The following BCR variants were observed in gnomAD, a reference collection of about 807,000 sequenced individuals.
The protein encoded by BCR is breakpoint cluster region protein.
In BCR, 58 loss-of-function variants were observed where a neutral mutation model predicts 138.6. That is an observed-to-expected ratio of 0.42 (90% CI 0.34 to 0.52). BCR has a LOEUF of 0.52. Among genes scored for constraint, BCR ranks in the 20% least tolerant of loss-of-function variants. The pLI is 0.06. For synonymous variants in BCR, 786 were observed against 730.1 expected, an observed-to-expected ratio of 1.08 and a Z score of -1.23; for missense variants, 1,599 against 1,727.2, an observed-to-expected ratio of 0.93 and a Z score of 1.32.
chr22:23,292,318 C>T (rs564657898), intron 14 of BCR, among the ~76,000 whole-genome samples: 4 of 152,366 alleles, frequency 2.6e-5, no homozygotes, highest in African/African-American at 7.2e-5. Flanking sequence ...TCCCGTTTCC[C>T]AGCCGCACCC....
Position 23,217,360 on chromosome 22 carries a change from G to A in BCR, c.1279+35121G>A, listed in dbSNP as rs376152243. Among the ~76,000 whole-genome samples the A allele has an allele frequency of 1.1e-4, 17 of 152,266 alleles. No individual in the cohort carries two copies. The East Asian group carries it at 1.7e-3, about 16-fold the overall frequency. On this transcript the variant is annotated intron_variant, in intron 1 of 22. Transcript: ENST00000305877. The stretch of plus-strand genomic sequence containing the variant: ...GCAGAACCTCTGCAGCCTGGCCTTC[G>A]GGAAGAAGACATCCAGAGATAGTGA...
intron 1 of BCR, among the ~76,000 whole-genome samples, chr22:23,196,922 C>T (rs2072490998): frequency 1.3e-5 from 2 of 152,152 alleles, no homozygotes; most frequent in South Asian, 2.1e-4. Flanking sequence ...GTTCATGGCC[C>T]GGGGGTTGGG....
intron 1 of BCR, among the ~76,000 whole-genome samples, chr22:23,219,097 G>A (rs2072791263): frequency 6.6e-6 from 1 of 152,202 alleles, no homozygotes; most frequent in Admixed American, 6.5e-5. Context: ...GGAGGGCCAG[G>A]CCAACCAGGC....
chr22:23,209,486 T>C (rs2072656915), intron 1 of BCR, among the ~76,000 whole-genome samples: 1 of 152,234 alleles, frequency 6.6e-6, no homozygotes, highest in Non-Finnish European at 1.5e-5. Flanking sequence ...TTGTGAATAA[T>C]GTTGGCAGGA....
At chr22:23,195,895 A>G (rs2072474556) in intron 1 of BCR, among the ~76,000 whole-genome samples, 1 of 152,218 alleles carries the variant, frequency 6.6e-6, no homozygotes, top group Non-Finnish European at 1.5e-5. Context: ...AAAATTAAAA[A>G]CAAATTAAAT....
intron 1 of BCR, among the ~76,000 whole-genome samples, chr22:23,194,437 G>A (rs891237826): frequency 1.3e-5 from 2 of 150,740 alleles, no homozygotes; most frequent in South Asian, 4.2e-4. Context: ...TTGAGATGGG[G>A]TCTCGCTCTG....
At position 23,315,415 on chromosome 22, in the gene BCR, C is replaced by T; in HGVS notation, c.3727-18C>T. 5 of 1,612,978 alleles carry T rather than the reference C, an allele frequency of 3.1e-6. No homozygotes were observed. Among genetic ancestry groups the T allele is most frequent in the East Asian group, 2.2e-5 (1 of 44,870 alleles). ...CCCGCTCTGAGCCACTCTTCTCTTC[C>T]CTACTCTGCCCGGGCAGGTCCAGGT... is the stretch of plus-strand genomic sequence containing the variant. On this transcript the variant is annotated intron_variant, in intron 22 of 22. Coordinates refer to ENST00000305877, the MANE Select transcript of BCR (RefSeq NM_004327.4).
intron 8 of BCR, among the ~76,000 whole-genome samples, chr22:23,277,462 T>C (rs891681931): frequency 6.6e-6 from 1 of 152,022 alleles, no homozygotes; most frequent in Non-Finnish European, 1.5e-5. Context: ...TACCTGGAGG[T>C]AGGAAAGAGG....
chr22:23,185,414 C>T (rs944701475), intron 1 of BCR, among the ~76,000 whole-genome samples: 2 of 152,062 alleles, frequency 1.3e-5, no homozygotes, highest in Non-Finnish European at 2.9e-5. Flanking sequence ...GCCTGTAATC[C>T]CAGCACTTAG....
At position 23,312,969 on chromosome 22, in the gene BCR, G is replaced by A. The variant is rs1271722617; in HGVS notation, c.3405G>A (p.Leu1135=). The A allele has an allele frequency of 6.3e-7, 1 of 1,591,936 alleles. No homozygotes were observed. The highest frequency in any genetic ancestry group is 8.5e-7 in the Non-Finnish European group (1 of 1,175,434). Residue 1135 remains leucine (L), a synonymous_variant, in exon 20 of 23, where the codon CTG becomes CTA. Coordinates refer to ENST00000305877, the MANE Select transcript of BCR (RefSeq NM_004327.4). ...CGCTGAAGCTGTACTTCCGTGAGCT[G>A]CCCGAGCCCCTCTTCACTGACGAGT... ...AGTLKLYFRE[L]PEPLFTDEFY...
At position 23,287,234 on chromosome 22, in the gene BCR, A is replaced by T; in HGVS notation, c.2482A>T (p.Met828Leu). The T allele has an allele frequency of 1.3e-6, 2 of 1,560,322 alleles. No homozygotes were observed. The highest frequency in any genetic ancestry group is 1.7e-6 in the Non-Finnish European group (2 of 1,151,550). Residue 828 changes from methionine (M) to leucine (L), a missense_variant, in exon 11 of 23, where the codon ATG becomes TTG. Physicochemically the swap from Met to Leu is conservative, Grantham distance 15. Transcript: ENST00000305877. The stretch of plus-strand genomic sequence containing the variant: ...GGAGCAGGAGTCACTGCTGCTGCTT[A>T]TGTCTCCCAGCATGGCCTTCAGGGT... Reference protein sequence around the residue: ...LSEQESLLLLMSPSMAFRVHS... With the variant: ...LSEQESLLLLLSPSMAFRVHS...
At position 23,285,171 on chromosome 22, in the gene BCR, C is replaced by T. The variant is rs1398610885; in HGVS notation, c.2376C>T (p.Ser792=). The T allele has an allele frequency of 1.2e-6, 2 of 1,613,492 alleles. No individual in the cohort carries two copies. Among genetic ancestry groups the T allele is most frequent in the African/African-American group, 1.3e-5 (1 of 75,014 alleles). The stretch of plus-strand genomic sequence containing the variant: ...TGGACGCTTTGAAGATCAAGATCTC[C>T]CAGATCAAGAATGACATCCAGAGAG... ...EELDALKIKI[S]QIKNDIQREK... Residue 792 remains serine, a synonymous_variant, in exon 10 of 23, where the codon TCC becomes TCT. Coordinates refer to ENST00000305877, the MANE Select transcript of BCR (RefSeq NM_004327.4).
Position 23,180,970 on chromosome 22 carries a change from C to T in BCR, c.10C>T (p.Pro4Ser). MVD[P>S]VGFAEAWKAQ... ...TAAGGCCGGCCGCGCCATGGTGGAC[C>T]CGGTGGGCTTCGCGGAGGCGTGGAA... Residue 4 changes from proline (P) to serine (S), a missense_variant, in exon 1 of 23, where the codon CCG becomes TCG. Pro to Ser is a moderately conservative substitution (Grantham distance 74). Coordinates refer to ENST00000305877, the MANE Select transcript of BCR (RefSeq NM_004327.4). 1.4e-6 allele frequency: 2 copies of T among 1,394,908 alleles called. No individual in the cohort carries two copies. Among genetic ancestry groups the T allele is most frequent in the Non-Finnish European group, 1.9e-6 (2 of 1,056,592 alleles). 86.4% of individuals were successfully genotyped at this position (1,394,908 alleles called of 1,614,324 possible).
At chr22:23,258,205 A>C (rs986523604) in intron 2 of BCR, among the ~76,000 whole-genome samples, 1 of 152,210 alleles carries the variant, frequency 6.6e-6, no homozygotes, top group Non-Finnish European at 1.5e-5. Flanking sequence ...CACCTCATGC[A>C]TACATTCACA....
chr22:23,297,591 C>T (rs1181520345), intron 16 of BCR, among the ~76,000 whole-genome samples: 1 of 152,164 alleles, frequency 6.6e-6, no homozygotes, highest in African/African-American at 2.4e-5. Context: ...TAGGGCATTC[C>T]TCCCCCACAG....
chr22:23,254,175 C>G (rs140148416), intron 2 of BCR, among the ~76,000 whole-genome samples, 195 bp downstream of exon 2: 2 of 152,074 alleles, frequency 1.3e-5, no homozygotes, highest in African/African-American at 2.4e-5. Context: ...TCAGGGAGAT[C>G]GGGGGATGCT....
rs1207241940 is a variant in BCR, at chr22:23,316,103, G to A, written c.*581G>A. ...ATTCTTGGCTTTCTTTTTCTTTCCA[G>A]AAGGATTTTTGTGCAGAAATGGGTC... On this transcript the variant is annotated 3_prime_UTR_variant, in exon 23 of 23. Coordinates refer to ENST00000305877, the MANE Select transcript of BCR (RefSeq NM_004327.4). The A allele has an allele frequency of 5.9e-6, 1 of 169,780 alleles. No individual in the cohort carries two copies. Among genetic ancestry groups the A allele is most frequent in the African/African-American group, 3.6e-5 (1 of 28,058 alleles). 10.5% of individuals were successfully genotyped at this position (169,780 alleles called of 1,614,324 possible). A position where few individuals can be genotyped will look rare whatever the true frequency, so the allele number is the denominator to read the frequency against.
At chr22:23,257,895 C>A (rs1374105342) in intron 2 of BCR, among the ~76,000 whole-genome samples, 1 of 152,212 alleles carries the variant, frequency 6.6e-6, no homozygotes, top group Non-Finnish European at 1.5e-5. Flanking sequence ...AGGATACAAC[C>A]AGGTGTTTAA....
rs554709645 is a variant in BCR, at chr22:23,314,766, C to T, written c.3726+52C>T. On this transcript the variant is annotated intron_variant, in intron 22 of 22. Transcript: ENST00000305877. ...GCAACCCTGACCTGACAGAGGTGGC[C>T]TCTGCCTGCCCCACCCCCAGTCCTG... 21 of 1,603,884 alleles carry T rather than the reference C, an allele frequency of 1.3e-5. No individual in the cohort carries two copies. The South Asian group carries it at 2.3e-4, about 18-fold the overall frequency.
Sources: gnomAD v4.1 joint callset for allele counts (sites outside exome capture counted in the v4.1 genomes callset) on GRCh38, gnomAD v4.1.1 for gene constraint, MANE v1.5 for transcripts, NCBI Gene and HGNC (gene_info 2026-07-23, HGNC 2026-07-21) for gene names.